Variants in ADD2 observed in about 807,000 individuals in gnomAD.
ADD2 encodes adducin 2, also known as beta-adducin.
In ADD2, 23 loss-of-function variants were observed where a neutral mutation model predicts 83.0. The observed-to-expected ratio is 0.28, with a 90% confidence interval of 0.20 to 0.39. The LOEUF (loss-of-function observed/expected upper bound fraction) is 0.39. ADD2 is among the 10% of genes least tolerant of loss of function. The pLI, the probability that ADD2 is intolerant of heterozygous loss-of-function variation, is 1.00. For missense variants in ADD2, 758 were observed against 944.9 expected (o/e 0.80, Z 2.59); for synonymous variants, 375 against 375.4 (o/e 1.00, Z 0.01).
chr2:70,714,529 C>T (rs1553376018), intron 1 of ADD2, among the ~76,000 whole-genome samples: 3 of 152,224 alleles, frequency 2.0e-5, no homozygotes, highest in African/African-American at 7.2e-5. Context: ...CCAGATGGTC[C>T]CTGAGCCCAG....
intron 15 of ADD2, among the ~76,000 whole-genome samples, chr2:70,664,876 A>AGT (rs1161177404): frequency 1.3e-5 from 2 of 152,024 alleles, no homozygotes; most frequent in African/African-American, 4.8e-5. Context: ...TGTGCGAACC[A>AGT]GTGTGTGTGA....
At chr2:70,765,529 A>G (rs1675338390) in intron 1 of ADD2, among the ~76,000 whole-genome samples, 2 of 152,208 alleles carry the variant, frequency 1.3e-5, no homozygotes, top group Admixed American at 1.3e-4. Context: ...TTAAGCGCCC[A>G]TTAGACACAG....
chr2:70,704,373 G>T lies in ADD2; in HGVS notation c.270C>A (p.Ile90=), dbSNP rs200212314. The change falls in exon 4 of 16, where the codon ATC becomes ATA. Residue 90 remains isoleucine, a synonymous_variant. Coordinates refer to ENST00000264436, the MANE Select transcript of ADD2 (RefSeq NM_001617.4). The part of the protein sequence containing the change: ...NSSNIWALRQ[I]ADFMASTSHA... ...GGGAGGTGCTGGCCATGAAGTCCGC[G>T]ATCTGTCGCAGGGCCCAGATGTTGG... is the stretch of plus-strand genomic sequence containing the variant. The T allele has an allele frequency of 1.1e-5, 17 of 1,608,198 alleles. No homozygotes were observed. In the African/African-American group the frequency reaches 2.3e-4, roughly 22 times the overall value.
intron 4 of ADD2, 55 bp downstream of exon 4, chr2:70,704,266 C>CCCCCCCCCCCCCCCCCCCCCCAACCATGG: frequency 1.5e-6 from 1 of 650,836 alleles, no homozygotes; most frequent in Non-Finnish European, 2.6e-6. Flanking sequence ...CCTCTCTTCC[C>CCCCCCCCCCCCCCCCCCCCCCAACCATGG]CACCCCACCC....
chr2:70,678,273 G>C (rs1283845406), intron 11 of ADD2, among the ~76,000 whole-genome samples: 1 of 152,216 alleles, frequency 6.6e-6, no homozygotes, highest in African/African-American at 2.4e-5. Flanking sequence ...ATAAAAAATT[G>C]AGAGCCTGTG....
At chr2:70,754,266 G>A (rs545871189) in intron 1 of ADD2, among the ~76,000 whole-genome samples, 20 of 151,980 alleles carry the variant, frequency 1.3e-4, no homozygotes, top group African/African-American at 1.9e-4. Context: ...GAAACCAATC[G>A]AATTGAACAA....
chr2:70,664,600 A>G (rs143224764), intron 15 of ADD2, among the ~76,000 whole-genome samples: 1 of 152,236 alleles, frequency 6.6e-6, no homozygotes, highest in African/African-American at 2.4e-5. Flanking sequence ...CACAGTTAAG[A>G]AGGCTGAAGA....
At chr2:70,698,293 T>C (rs1671411248) in intron 4 of ADD2, among the ~76,000 whole-genome samples, 1 of 152,158 alleles carries the variant, frequency 6.6e-6, no homozygotes, top group Non-Finnish European at 1.5e-5. Context: ...TGTGTCTGTA[T>C]CAAAGACAGT....
At chr2:70,742,908 T>C (rs1673997340) in intron 1 of ADD2, among the ~76,000 whole-genome samples, 1 of 152,234 alleles carries the variant, frequency 6.6e-6, no homozygotes, top group Non-Finnish European at 1.5e-5. Context: ...TGTCAATGTA[T>C]GTTTAACTTT....
At position 70,683,693 on chromosome 2, in the gene ADD2, C is replaced by G; in HGVS notation, c.1023G>C (p.Glu341Asp). The G allele has an allele frequency of 6.2e-7, 1 of 1,614,200 alleles. No homozygotes were observed. Among genetic ancestry groups the G allele is most frequent in the Non-Finnish European group, 8.5e-7 (1 of 1,180,036 alleles). ...TCCCGGCCCACTGCACGGAGCCCAC[C>G]TCATGGGGCCGGTGCTTCTCCTGCT... ...LLEQEKHRPH[E>D]VGSVQWAGST... Residue 341 changes from glutamate to aspartate, a missense_variant, in exon 10 of 16, where the codon GAG (glutamate) becomes GAC (aspartate). Glu to Asp is a conservative substitution (Grantham distance 45). This residue lies in a region of ADD2 where 394 missense variants were observed against 509.3 expected (regional missense o/e 0.77). Transcript: ENST00000264436.
At chr2:70,675,821 G>C in intron 13 of ADD2, 1 of 985,398 alleles carries the variant, frequency 1.0e-6, no homozygotes, top group Non-Finnish European at 1.2e-6. Flanking sequence ...TCCGAGAAGA[G>C]CACTTGGTAT....
In ADD2 at chr2:70,730,623, T is replaced by C. The variant is rs1380851815; in HGVS notation, c.-153-17439A>G. Reference sequence around the variant, plus strand: ...TGCCTGAAGTTCAATCATTTGAAGATTGATTTGACTAATATGTCTCCTCTT... The same window carrying C: ...TGCCTGAAGTTCAATCATTTGAAGACTGATTTGACTAATATGTCTCCTCTT... On this transcript the variant is annotated intron_variant, in intron 1 of 15. Coordinates refer to ENST00000264436, the MANE Select transcript of ADD2 (RefSeq NM_001617.4). 2.6e-4 allele frequency among the ~76,000 whole-genome samples: 39 copies of C among 152,384 alleles called. 1 individual carries two copies. The highest frequency in any genetic ancestry group is 1.5e-4 in the Non-Finnish European group (10 of 68,038).
rs782412621 is a variant in ADD2, at chr2:70,706,208, C to A, written c.183+18G>T. 3 of 1,610,558 alleles carry A rather than the reference C, an allele frequency of 1.9e-6. No individual in the cohort carries two copies. In the South Asian group the frequency reaches 3.3e-5, roughly 18 times the overall value. On this transcript the variant is annotated intron_variant, in intron 3 of 15. Transcript: ENST00000264436. The surrounding 1 kb of genome is among the most constrained non-coding windows in gnomAD (Gnocchi z 5.0). Reference sequence around the variant, plus strand: ...AGCGCCCCCTGCGCCCTCTCCCGCCCGGGTCAGCCCCACTCACGGGACTCT... The same window carrying A: ...AGCGCCCCCTGCGCCCTCTCCCGCCAGGGTCAGCCCCACTCACGGGACTCT...
At position 70,733,571 on chromosome 2, in the gene ADD2, A is replaced by C. The variant is rs140072017; in HGVS notation, c.-153-20387T>G. 5.0e-4 allele frequency among the ~76,000 whole-genome samples: 76 copies of C among 152,268 alleles called. No homozygotes were observed. In the East Asian group the frequency reaches 0.013, roughly 26 times the overall value. ...ACAAATCATTGCCTGTTGAGGAAGG[A>C]AGGAAGGAATGCTTTTGATGTAGCC... On this transcript the variant is annotated intron_variant, in intron 1 of 15. Transcript: ENST00000264436.
intron 1 of ADD2, among the ~76,000 whole-genome samples, chr2:70,751,164 A>C (rs577846074): frequency 7.9e-5 from 12 of 152,292 alleles, no homozygotes; most frequent in African/African-American, 2.9e-4. Context: ...TCTATAATGA[A>C]GAGGTTGGAC....
At chr2:70,711,752 A>G (rs1672189815) in intron 2 of ADD2, among the ~76,000 whole-genome samples, 2 of 152,206 alleles carry the variant, frequency 1.3e-5, no homozygotes, top group Admixed American at 1.3e-4. Context: ...TGGGTGTTCC[A>G]GAGTTGGACC....
chr2:70,668,299 C>T (rs1305903675), intron 15 of ADD2, among the ~76,000 whole-genome samples: 1 of 152,148 alleles, frequency 6.6e-6, no homozygotes, highest in Admixed American at 6.5e-5. Context: ...CCAGCTCCCC[C>T]AGCTTCCTAG....
chr2:70,677,624 G>A, intron 12 of ADD2, 134 bp downstream of exon 12: 2 of 1,184,890 alleles, frequency 1.7e-6, no homozygotes, highest in Non-Finnish European at 2.4e-6. Flanking sequence ...TCAGTCAATG[G>A]TAGTTTCTCT....
intron 10 of ADD2, 126 bp from the exon 11 acceptor site, chr2:70,679,087 A>T: frequency 8.6e-7 from 1 of 1,163,734 alleles, no homozygotes; most frequent in South Asian, 1.6e-5. Flanking sequence ...AATCTCCATT[A>T]AACAATCTAG....
Sources: gnomAD v4.1 joint callset for allele counts (sites outside exome capture counted in the v4.1 genomes callset) on GRCh38, gnomAD v4.1.1 for gene constraint, gnomAD v4.1.1 regional missense constraint, Gnocchi (gnomAD v3.1) non-coding constraint, MANE v1.5 for transcripts, NCBI Gene and HGNC (gene_info 2026-07-23, HGNC 2026-07-21) for gene names.